Variants in ZHX3 observed in about 807,000 individuals in gnomAD.
ZHX3 encodes the protein zinc fingers and homeoboxes 3.
In ZHX3, 20 loss-of-function variants were observed where a neutral mutation model predicts 64.5. The observed-to-expected ratio is 0.31, with a 90% CI of 0.22 to 0.45. ZHX3 has a LOEUF of 0.45. ZHX3 is among the 20% of genes least tolerant of loss of function. ZHX3 has a pLI of 1.00. For missense variants in ZHX3, 1,041 were observed against 1,195.8 expected, an observed-to-expected ratio of 0.87 and a Z score of 1.91; for synonymous variants, 423 against 461.6, an observed-to-expected ratio of 0.92 and a Z score of 1.07.
At chr20:41,293,223 A>G (rs2044339189) in intron 1 of ZHX3, among the ~76,000 whole-genome samples, 1 of 152,234 alleles carries the variant, frequency 6.6e-6, no homozygotes, top group Non-Finnish European at 1.5e-5. Context: ...AACTTGTTAC[A>G]AAGGCAGAAG....
At chr20:41,306,825 G>A (rs1309081385) in intron 1 of ZHX3, among the ~76,000 whole-genome samples, 1 of 152,214 alleles carries the variant, frequency 6.6e-6, no homozygotes, top group Non-Finnish European at 1.5e-5. Flanking sequence ...AGCACAAAAG[G>A]TAGCAAGTAG....
At chr20:41,264,533 T>C (rs994758932) in intron 2 of ZHX3, among the ~76,000 whole-genome samples, 3 of 137,232 alleles carry the variant, frequency 2.2e-5, no homozygotes, top group Non-Finnish European at 3.1e-5. Context: ...CACTCCAGCC[T>C]GGGCAACAAG....
In ZHX3 at chr20:41,219,903, C is replaced by A. The variant is rs1292097041; in HGVS notation, c.-150-14837G>T. Among the ~76,000 whole-genome samples, 1 of 152,242 alleles carries A rather than the reference C, an allele frequency of 6.6e-6. No homozygotes were observed. Among genetic ancestry groups the A allele is most frequent in the Non-Finnish European group, 1.5e-5 (1 of 68,042 alleles). On this transcript the variant is annotated intron_variant, in intron 2 of 3. Transcript: ENST00000683867. This position sits in a 1 kb window ranked among gnomAD's most constrained non-coding sequence, Gnocchi z 5.0. ...CTGGTTATGTTCCAGATGGCGGCTA[C>A]TCTATCAGCCTGAGTCCTAAAAGAA... is the stretch of plus-strand genomic sequence containing the variant.
At chr20:41,193,885 A>T (rs2037263194) in intron 3 of ZHX3, among the ~76,000 whole-genome samples, 1 of 152,034 alleles carries the variant, frequency 6.6e-6, no homozygotes. Flanking sequence ...TATTTTTAGT[A>T]GAGACGGGGT....
intron 2 of ZHX3, among the ~76,000 whole-genome samples, chr20:41,217,866 C>T (rs914520470): frequency 5.3e-5 from 8 of 152,220 alleles, no homozygotes; most frequent in Non-Finnish European, 1.0e-4. Context: ...ATTCAGTGTT[C>T]TCTTTTAGAC....
intron 3 of ZHX3, among the ~76,000 whole-genome samples, chr20:41,196,190 G>A (rs1333186714): frequency 6.9e-6 from 1 of 144,336 alleles, no homozygotes; most frequent in Non-Finnish European, 1.5e-5. Context: ...GAATATTAAA[G>A]TCTCCAACTA....
intron 2 of ZHX3, among the ~76,000 whole-genome samples, chr20:41,211,130 AAAT>A (rs928469874): frequency 6.6e-6 from 1 of 152,154 alleles, no homozygotes; most frequent in East Asian, 1.9e-4. Context: ...ACTCAAAAAG[AAAT>A]AATAATAATA....
rs545616565 is a variant in ZHX3, at chr20:41,185,524, C to T, written c.2861-323G>A. The T allele has an allele frequency of 1.8e-5, 9 of 500,246 alleles. No homozygotes were observed. Among genetic ancestry groups the T allele is most frequent in the Non-Finnish European group, 2.5e-5 (7 of 284,888 alleles). 31.0% of individuals were successfully genotyped at this position (500,246 alleles called of 1,614,324 possible). ...TAGCTCCCCAGGCTTCCGCCACCAC[C>T]GTCTCTGGAGTCCTGTCCTAAAATG... On this transcript the variant is annotated intron_variant, in intron 3 of 3. Transcript: ENST00000683867. This position sits in a 1 kb window ranked among gnomAD's most constrained non-coding sequence, Gnocchi z 5.0.
At chr20:41,281,979 G>T (rs1172145771) in intron 1 of ZHX3, among the ~76,000 whole-genome samples, 6 of 152,176 alleles carry the variant, frequency 3.9e-5, no homozygotes, top group Admixed American at 1.3e-4. Context: ...TGGCAGGGAA[G>T]ATGGATTCCC....
chr20:41,225,840 T>C (rs1405479365), intron 2 of ZHX3, among the ~76,000 whole-genome samples: 3 of 152,202 alleles, frequency 2.0e-5, no homozygotes, highest in African/African-American at 4.8e-5. Context: ...ACATTCACAT[T>C]GTTGACCAAC....
At chr20:41,296,625 T>C (rs573898944) in intron 1 of ZHX3, among the ~76,000 whole-genome samples, 156 of 152,330 alleles carry the variant, frequency 1.0e-3, no homozygotes, top group African/African-American at 3.5e-3. Flanking sequence ...TTAAGTCTAC[T>C]ATTTCCCAGA....
intron 1 of ZHX3, among the ~76,000 whole-genome samples, chr20:41,302,730 G>A (rs544123842): frequency 6.6e-6 from 1 of 152,346 alleles, no homozygotes; most frequent in Non-Finnish European, 1.5e-5. Context: ...CTGCTGGCAG[G>A]CCACTGACAC....
chr20:41,289,537 T>C (rs1422485917), intron 1 of ZHX3, among the ~76,000 whole-genome samples: 2 of 152,134 alleles, frequency 1.3e-5, no homozygotes, highest in African/African-American at 4.8e-5. Flanking sequence ...CCTCAGTACA[T>C]CTCATTTTAT....
intron 2 of ZHX3, among the ~76,000 whole-genome samples, chr20:41,237,120 C>T (rs1226535812): frequency 6.6e-6 from 1 of 152,130 alleles, no homozygotes; most frequent in African/African-American, 2.4e-5. Context: ...ACAACAGGTG[C>T]TAGAGAGGAT....
rs896168480 is a variant in ZHX3, at chr20:41,201,609, A to G, written c.2860+448T>C. Among the ~76,000 whole-genome samples the G allele has an allele frequency of 6.6e-6, 1 of 152,240 alleles. No individual in the cohort carries two copies. Among genetic ancestry groups the G allele is most frequent in the African/African-American group, 2.4e-5 (1 of 41,464 alleles). ...ATAACCAGAGAAACACAAGACTTTC[A>G]TCATCAGAAAAAAGCACATTATGTA... On this transcript the variant is annotated intron_variant, in intron 3 of 3. Transcript: ENST00000683867. This position sits in a 1 kb window ranked among gnomAD's most constrained non-coding sequence, Gnocchi z 5.0.
At position 41,228,960 on chromosome 20, in the gene ZHX3, C is replaced by T. The variant is rs1568859181; in HGVS notation, c.-150-23894G>A. On this transcript the variant is annotated intron_variant, in intron 2 of 3. Coordinates refer to ENST00000683867, the MANE Select transcript of ZHX3 (RefSeq NM_001384317.1). The surrounding 1 kb of genome is among the most constrained non-coding windows in gnomAD (Gnocchi z 4.6). ...CATTTTTAGGTGGAGAGTTCAGTAG[C>T]ATTAAGTATTAACACAGTCACATTG... 6.6e-6 allele frequency among the ~76,000 whole-genome samples: 1 copy of T among 152,140 alleles called. No homozygotes were observed. Among genetic ancestry groups the T allele is most frequent in the Non-Finnish European group, 1.5e-5 (1 of 68,022 alleles).
At chr20:41,190,662 T>C (rs181137588) in intron 3 of ZHX3, among the ~76,000 whole-genome samples, 1 of 152,338 alleles carries the variant, frequency 6.6e-6, no homozygotes, top group Non-Finnish European at 1.5e-5. Flanking sequence ...TTTTACATAG[T>C]GTTAAATGTC....
intron 1 of ZHX3, among the ~76,000 whole-genome samples, chr20:41,285,117 G>A (rs894671004): frequency 6.6e-6 from 1 of 151,842 alleles, no homozygotes; most frequent in African/African-American, 2.4e-5. Context: ...TTGCCATTCT[G>A]TTTTATCCCT....
At position 41,203,347 on chromosome 20, in the gene ZHX3, C is replaced by T. The variant is rs2038414943; in HGVS notation, c.1570G>A (p.Val524Ile). 2 of 1,614,188 alleles carry T rather than the reference C, an allele frequency of 1.2e-6. No homozygotes were observed. Among genetic ancestry groups the T allele is most frequent in the Non-Finnish European group, 1.7e-6 (2 of 1,180,022 alleles). Residue 524 changes from valine to isoleucine, a missense_variant, in exon 3 of 4, where the codon GTT becomes ATT. Transcript: ENST00000683867. The surrounding 1 kb of genome is among the most constrained non-coding windows in gnomAD (Gnocchi z 7.1). ...CCCGTCACTTTTGTGAGATGTTCAA[C>T]TTCGCTCTGCCCTGGGAACTGGTTC... is the stretch of plus-strand genomic sequence containing the variant. ...CRNQFPGQSE[V>I]EHLTKVTGLS...
Sources: allele counts gnomAD v4.1 joint callset (sites outside exome capture counted in the v4.1 genomes callset), GRCh38; gene constraint gnomAD v4.1.1; non-coding constraint Gnocchi (gnomAD v3.1); transcripts MANE v1.5; gene names NCBI Gene and HGNC (gene_info 2026-07-23, HGNC 2026-07-21).